PRPF38B: variants seen among roughly 807,000 people sequenced by gnomAD.
PRPF38B encodes the protein pre-mRNA processing factor 38B.
PRPF38B carries 18 observed loss-of-function variants against 67.2 expected under a neutral mutation model. That is an observed-to-expected ratio of 0.27 (90% CI 0.19 to 0.40). The LOEUF is 0.40. Among genes scored for constraint, PRPF38B ranks in the 10% least tolerant of loss-of-function variants. The pLI, the probability that PRPF38B is intolerant of heterozygous loss-of-function variation, is 1.00. For missense variants in PRPF38B, 544 were observed against 684.9 expected, an observed-to-expected ratio of 0.79 and a Z score of 2.30; for synonymous variants, 246 against 234.2, an observed-to-expected ratio of 1.05 and a Z score of -0.46.
In PRPF38B at chr1:108,699,518, AAGAG is replaced by A. The variant is rs779718570; in HGVS notation, c.1146_1149del (p.Arg382SerfsTer16). ...AAGGAAAGAGGAAATGAACGAGAAAAAGAGAGAGAGCGATCAAGAGAAAGGTCCA... is the reference window on the plus strand; with the variant it reads ...AAGGAAAGAGGAAATGAACGAGAAAAAGAGAGCGATCAAGAGAAAGGTCCA... On this transcript the variant is annotated frameshift_variant, in exon 6 of 6. Transcript: ENST00000370025. LOFTEE classifies it high-confidence loss of function. The A allele has an allele frequency of 4.5e-6, 7 of 1,565,754 alleles. No individual in the cohort carries two copies. Among genetic ancestry groups the A allele is most frequent in the African/African-American group, 4.1e-5 (3 of 73,412 alleles).
At chr1:108,696,786 T>C (rs1021406630) in intron 4 of PRPF38B, 1 of 716,194 alleles carries the variant, frequency 1.4e-6, no homozygotes, top group Non-Finnish European at 2.6e-6. Context: ...CCCACTTGCA[T>C]AGAAGTGCAG....
rs1424634998 is a variant in PRPF38B at position 108,701,944 on chromosome 1, C to CT, written c.*1925dup. On this transcript the variant is annotated 3_prime_UTR_variant, in exon 6 of 6. Transcript: ENST00000370025. ...ACTAAATTTGTCTTGTGTTGAAAAT[C>CT]TACTTTTAGCATACCTAAATTATGG... 1.3e-5 allele frequency: 2 copies of CT among 152,270 alleles called. No homozygotes were observed. Among genetic ancestry groups the CT allele is most frequent in the East Asian group, 3.9e-4 (2 of 5,186 alleles). 9.4% of individuals were successfully genotyped at this position (152,270 alleles called of 1,614,324 possible). A position where few individuals can be genotyped will look rare whatever the true frequency, so the allele number is the denominator to read the frequency against.
rs748832609 is a variant in PRPF38B, at chr1:108,695,764, C to T, written c.339C>T (p.Cys113=). ...AAACAGCGGGCCAGACAGGGATGTG[C>T]GGAGGGGTAAGTAGAAGTACGTGCA... ...SRKTAGQTGM[C]GGVRGVGTGG... The change falls in exon 2 of 6, where the codon TGC becomes TGT. Residue 113 remains cysteine, a synonymous_variant. Coordinates refer to ENST00000370025, the MANE Select transcript of PRPF38B (RefSeq NM_018061.4). 7.4e-6 allele frequency: 12 copies of T among 1,613,494 alleles called. No homozygotes were observed. The East Asian group carries it at 1.8e-4, about 24-fold the overall frequency.
intron 1 of PRPF38B, among the ~76,000 whole-genome samples, chr1:108,693,902 A>G (rs1267033180): frequency 1.3e-5 from 2 of 152,246 alleles, no homozygotes; most frequent in African/African-American, 2.4e-5. Context: ...TACACAATCC[A>G]TTTTTGTCTA....
Position 108,699,876 on chromosome 1 carries a change from G to A in PRPF38B, c.1497G>A (p.Lys499=). 3.1e-6 allele frequency: 5 copies of A among 1,614,152 alleles called. No individual in the cohort carries two copies. Among genetic ancestry groups the A allele is most frequent in the Non-Finnish European group, 4.2e-6 (5 of 1,180,014 alleles). Residue 499 remains lysine (K), a synonymous_variant, in exon 6 of 6, where the codon AAG becomes AAA. Transcript: ENST00000370025. ...EHSPSKEKSR[K]RSRSKERSHK... ...GTCCCAGCAAAGAAAAATCTAGAAA[G>A]CGTAGTAGAAGCAAAGAACGTTCCC... is the stretch of plus-strand genomic sequence containing the variant.
chr1:108,702,893 T>TGCAATTAATTGCAA lies in PRPF38B; in HGVS notation c.*2873_*2874insGCAATTAATTGCAA, dbSNP rs1457121377. ...TAAAATCTTTTGCCTGTTTTTAATGTTCAATTTGCAATTAAATTCTATACA... is the reference window on the plus strand; with the variant it reads ...TAAAATCTTTTGCCTGTTTTTAATGTGCAATTAATTGCAATCAATTTGCAATTAAATTCTATACA... On this transcript the variant is annotated 3_prime_UTR_variant, in exon 6 of 6. Transcript: ENST00000370025. 6.6e-6 allele frequency among the ~76,000 whole-genome samples: 1 copy of TGCAATTAATTGCAA among 152,234 alleles called. No individual in the cohort carries two copies. Among genetic ancestry groups the TGCAATTAATTGCAA allele is most frequent in the Non-Finnish European group, 1.5e-5 (1 of 68,036 alleles).
intron 1 of PRPF38B, chr1:108,693,490 TG>T: frequency 4.5e-6 from 2 of 447,944 alleles, no homozygotes; most frequent in Non-Finnish European, 5.9e-6. Flanking sequence ...ATCTGGGCCC[TG>T]GGCTTCTGCG....
Position 108,692,605 on chromosome 1 carries a change from G to C in PRPF38B, c.14G>C (p.Ser5Thr). 6.5e-7 allele frequency: 1 copy of C among 1,530,002 alleles called. No individual in the cohort carries two copies. The highest frequency in any genetic ancestry group is 8.8e-7 in the Non-Finnish European group (1 of 1,133,198). The allele number at this position is 1,530,002 out of a possible 1,614,324, so 94.8% of individuals were successfully genotyped here. ...TTCCGCCGCAACATGGCTAACAACA[G>C]CCCCGCGCTGACAGGCAACTCGCAG... is the stretch of plus-strand genomic sequence containing the variant. The part of the protein sequence containing the change: MANN[S>T]PALTGNSQPQ... The change falls in exon 1 of 6, where the codon AGC becomes ACC. Residue 5 changes from serine (S) to threonine (T), a missense_variant. Physicochemically the swap from Ser to Thr is moderately conservative, Grantham distance 58 (BLOSUM62 1). Around this residue, in one of 5 missense-constraint regions of PRPF38B, gnomAD observed 70 missense variants for 58.4 expected, o/e 1.20. Transcript: ENST00000370025.
chr1:108,699,426 A>C lies in PRPF38B; in HGVS notation c.1047A>C (p.Arg349Ser). 6.2e-7 allele frequency: 1 copy of C among 1,614,102 alleles called. No individual in the cohort carries two copies. Residue 349 changes from arginine to serine, a missense_variant, in exon 6 of 6, where the codon AGA (arginine) becomes AGC (serine). Physicochemically the swap from Arg to Ser is moderately radical, Grantham distance 110. Around this residue, in one of 5 missense-constraint regions of PRPF38B, gnomAD observed 387 missense variants for 386.1 expected, o/e 1.00. Coordinates refer to ENST00000370025, the MANE Select transcript of PRPF38B (RefSeq NM_018061.4). Reference sequence around the variant, plus strand: ...GAAGTCGTGATAGGAAAGGGGATAGAAGGGACAGGGATCGAGAAAGAGAGA... The same window carrying C: ...GAAGTCGTGATAGGAAAGGGGATAGCAGGGACAGGGATCGAGAAAGAGAGA... ...RSRSRDRKGD[R>S]RDRDREREKE...
chr1:108,700,160 G>A lies in PRPF38B; in HGVS notation c.*140G>A. ...CATTTTCATTTCCTCTTTCGTGTAGGGAAGTGCCTTTGTAATTCCATTTAT... is the reference window on the plus strand; with the variant it reads ...CATTTTCATTTCCTCTTTCGTGTAGAGAAGTGCCTTTGTAATTCCATTTAT... On this transcript the variant is annotated 3_prime_UTR_variant, in exon 6 of 6. Coordinates refer to ENST00000370025, the MANE Select transcript of PRPF38B (RefSeq NM_018061.4). 7.4e-7 allele frequency: 1 copy of A among 1,345,370 alleles called. No individual in the cohort carries two copies. The highest frequency in any genetic ancestry group is 9.7e-7 in the Non-Finnish European group (1 of 1,026,934). The allele number at this position is 1,345,370 out of a possible 1,614,324, so 83.3% of individuals were successfully genotyped here.
rs1199669479 is a variant in PRPF38B, at chr1:108,695,903, T to G, written c.345+133T>G. The G allele has an allele frequency of 5.2e-6, 7 of 1,353,972 alleles. No homozygotes were observed. The Middle Eastern group carries it at 5.6e-4, about 108-fold the overall frequency. The allele number at this position is 1,353,972 out of a possible 1,614,324, so 83.9% of individuals were successfully genotyped here. A position where few individuals can be genotyped will look rare whatever the true frequency, so the allele number is the denominator to read the frequency against. On this transcript the variant is annotated intron_variant, in intron 2 of 5. Transcript: ENST00000370025. Reference sequence around the variant, plus strand: ...ATCCAAATTCAAGTGTTCAGTGAAATAGGGTTAGAAAAGTGTTACTTTTTA... The same window carrying G: ...ATCCAAATTCAAGTGTTCAGTGAAAGAGGGTTAGAAAAGTGTTACTTTTTA...
rs1037853718 is a variant in PRPF38B at position 108,701,725 on chromosome 1, C to T, written c.*1705C>T. ...TAAATGGAGCAAACGAGTACACTTG[C>T]AAGAGTCCTCCATATGTGGGCTTAA... On this transcript the variant is annotated 3_prime_UTR_variant, in exon 6 of 6. Transcript: ENST00000370025. 2.6e-5 allele frequency: 4 copies of T among 152,172 alleles called. No individual in the cohort carries two copies. The highest frequency in any genetic ancestry group is 7.2e-5 in the African/African-American group (3 of 41,432). The allele number at this position is 152,172 out of a possible 1,614,324, so 9.4% of individuals were successfully genotyped here. A position where few individuals can be genotyped will look rare whatever the true frequency, so the allele number is the denominator to read the frequency against.
At chr1:108,697,503 A>G (rs1394262347) in intron 4 of PRPF38B, 2 of 151,690 alleles carry the variant, frequency 1.3e-5, no homozygotes, top group Non-Finnish European at 2.9e-5. Flanking sequence ...AAAAAAAAAA[A>G]ATCTCATTTA....
In PRPF38B at chr1:108,692,861, C is replaced by T; in HGVS notation, c.270C>T (p.Tyr90=). ...KTYHEVVDEI[Y]FKVTHVEPWE... The stretch of plus-strand genomic sequence containing the variant: ...ACCACGAGGTGGTGGACGAGATCTA[C>T]TTTAAGGTACGAAGTGTGTAGGCCT... Residue 90 remains tyrosine, a synonymous_variant, in exon 1 of 6, where the codon TAC becomes TAT. Transcript: ENST00000370025. The T allele has an allele frequency of 1.2e-6, 2 of 1,613,906 alleles. No individual in the cohort carries two copies. Among genetic ancestry groups the T allele is most frequent in the Non-Finnish European group, 1.7e-6 (2 of 1,179,874 alleles).
At position 108,702,070 on chromosome 1, in the gene PRPF38B, C is replaced by G. The variant is rs569927016; in HGVS notation, c.*2050C>G. 4.9e-4 allele frequency among the ~76,000 whole-genome samples: 74 copies of G among 152,330 alleles called. No individual in the cohort carries two copies. The highest frequency in any genetic ancestry group is 1.8e-3 in the African/African-American group (74 of 41,568). On this transcript the variant is annotated 3_prime_UTR_variant, in exon 6 of 6. Coordinates refer to ENST00000370025, the MANE Select transcript of PRPF38B (RefSeq NM_018061.4). ...ATTACTTCACATGGAGGTGAAAGAA[C>G]TATCACCTCGATTGACAGTTCGATG...
intron 1 of PRPF38B, among the ~76,000 whole-genome samples, chr1:108,694,362 C>T (rs1253507129): frequency 6.6e-6 from 1 of 152,076 alleles, no homozygotes; most frequent in East Asian, 1.9e-4. Context: ...AGGAAAGTCT[C>T]GTTTTTAAGT....
intron 1 of PRPF38B, among the ~76,000 whole-genome samples, chr1:108,693,121 C>G (rs1042521841): frequency 6.6e-6 from 1 of 152,224 alleles, no homozygotes; most frequent in African/African-American, 2.4e-5. Context: ...CTGCCCACCC[C>G]TGGGGGGAGT....
chr1:108,693,364 G>T (rs541829915), intron 1 of PRPF38B, among the ~76,000 whole-genome samples: 2 of 152,172 alleles, frequency 1.3e-5, no homozygotes, highest in South Asian at 4.1e-4. Context: ...TGGGGTGGGG[G>T]GATGAGGGTG....
In PRPF38B at chr1:108,699,820, AGT is replaced by A; in HGVS notation, c.1444_1445del (p.Val482Ter). ...SRSGSQGRTDSVEKSKKREHS... is the reference protein window; with the variant it reads ...SRSGSQGRTDXVEKSKKREHS... ...AAGTGGCAGTCAAGGAAGAACTGAC[AGT>A]GTTGAAAAATCAAAAAAACGGGAAC... On this transcript the variant is annotated frameshift_variant, in exon 6 of 6. Transcript: ENST00000370025. LOFTEE classifies it high-confidence loss of function. 1 of 1,613,004 alleles carries A rather than the reference AGT, an allele frequency of 6.2e-7. No homozygotes were observed. Among genetic ancestry groups the A allele is most frequent in the Non-Finnish European group, 8.5e-7 (1 of 1,179,790 alleles).
Sources: allele counts gnomAD v4.1 joint callset (sites outside exome capture counted in the v4.1 genomes callset), GRCh38; gene constraint gnomAD v4.1.1; regional missense constraint gnomAD v4.1.1; transcripts MANE v1.5; gene names NCBI Gene and HGNC (gene_info 2026-07-23, HGNC 2026-07-21).